Variants in BFSP1 observed in about 807,000 individuals in gnomAD.
BFSP1 encodes the protein beaded filament structural protein 1, also known as filensin.
BFSP1 carries 38 observed loss-of-function variants against 43.9 expected under a neutral mutation model. The ratio of observed to expected loss-of-function variants is 0.87; its 90% CI spans 0.67 to 1.14. The LOEUF is 1.14. Ranked by LOEUF, BFSP1 falls within the 50% of genes most tolerant of loss-of-function variation. The pLI is 0.00. For synonymous variants in BFSP1, 352 were observed against 354.8 expected (o/e 0.99, Z 0.09); for missense variants, 850 against 875.1 (o/e 0.97, Z 0.36).
rs2034389121 is a variant in BFSP1 at position 17,524,899 on chromosome 20, A to G, written c.387T>C (p.Asn129=). The G allele has an allele frequency of 6.2e-7, 1 of 1,614,032 alleles. No homozygotes were observed. The highest frequency in any genetic ancestry group is 8.5e-7 in the Non-Finnish European group (1 of 1,179,928). ...TTAGCAGGAGTTGACATTCGCACTC[A>G]TTTTCATACCTGCAAATTGGACACA... is the stretch of plus-strand genomic sequence containing the variant. ...ALDEFRSKYE[N]ECECQLLLKE... The change falls in exon 2 of 8, where the codon AAT becomes AAC. Residue 129 remains asparagine (N), a synonymous_variant. Coordinates refer to ENST00000377873, the MANE Select transcript of BFSP1 (RefSeq NM_001195.5).
At chr20:17,497,511 C>CGT (rs1241093199) in intron 6 of BFSP1, among the ~76,000 whole-genome samples, 28 of 126,324 alleles carry the variant, frequency 2.2e-4, no homozygotes, top group African/African-American at 6.2e-4. Flanking sequence ...CGTATATATA[C>CGT]GTATATATAT....
intron 1 of BFSP1, among the ~76,000 whole-genome samples, chr20:17,558,435 G>C (rs2035031213): frequency 2.0e-5 from 3 of 152,204 alleles, no homozygotes. Context: ...GCTTTTGGAA[G>C]TGGAGCCACA....
intron 2 of BFSP1, chr20:17,516,705 C>T (rs772773672): frequency 4.0e-6 from 1 of 249,494 alleles, no homozygotes; most frequent in African/African-American, 2.2e-5. Context: ...TTTATCTACC[C>T]AAGAGAACTG....
chr20:17,532,787 C>T (rs2034569060), upstream of BFSP1, among the ~76,000 whole-genome samples: 1 of 151,974 alleles, frequency 6.6e-6, no homozygotes, highest in South Asian at 2.1e-4. Context: ...GTCATATCTC[C>T]AACTTTAAAA....
At chr20:17,549,599 G>T (rs1221159487) in intron 1 of BFSP1, among the ~76,000 whole-genome samples, 1 of 152,142 alleles carries the variant, frequency 6.6e-6, no homozygotes, top group Non-Finnish European at 1.5e-5. Flanking sequence ...ACTTTGGGAG[G>T]CCAAGGAGGG....
At chr20:17,501,079 C>T (rs1416840006) in intron 5 of BFSP1, among the ~76,000 whole-genome samples, 1 of 152,190 alleles carries the variant, frequency 6.6e-6, no homozygotes, top group East Asian at 1.9e-4. Flanking sequence ...CACTTCGAGT[C>T]ACAAGGGGCA....
intron 1 of BFSP1, among the ~76,000 whole-genome samples, chr20:17,539,613 A>C (rs1004707820): frequency 6.6e-6 from 1 of 151,834 alleles, no homozygotes; most frequent in Non-Finnish European, 1.5e-5. Context: ...TAATACAAAA[A>C]ATTAGCTGAG....
At chr20:17,527,234 T>C (rs2034440294) in intron 1 of BFSP1, among the ~76,000 whole-genome samples, 1 of 152,250 alleles carries the variant, frequency 6.6e-6, no homozygotes, top group Non-Finnish European at 1.5e-5. Flanking sequence ...TGTGTTGCAA[T>C]AACAGAGCCA....
At chr20:17,499,862 A>C (rs2033753954) in intron 5 of BFSP1, among the ~76,000 whole-genome samples, 1 of 152,168 alleles carries the variant, frequency 6.6e-6, no homozygotes, top group African/African-American at 2.4e-5. Context: ...CAGAGGCTGC[A>C]GTGAGCCAAG....
intron 1 of BFSP1, among the ~76,000 whole-genome samples, chr20:17,557,511 T>G (rs1346300682): frequency 6.6e-6 from 1 of 152,154 alleles, no homozygotes; most frequent in Non-Finnish European, 1.5e-5. Context: ...TGGGCCCTCC[T>G]GGCTCAAGGG....
At chr20:17,524,805 A>G (rs1568699778) in intron 2 of BFSP1, 43 bp downstream of exon 2, 2 of 1,591,248 alleles carry the variant, frequency 1.3e-6, no homozygotes, top group South Asian at 2.2e-5. Flanking sequence ...TCCATTCAAC[A>G]CTGTAATTAA....
At chr20:17,503,330 T>A (rs1466477717) in intron 5 of BFSP1, among the ~76,000 whole-genome samples, 2 of 152,338 alleles carry the variant, frequency 1.3e-5, no homozygotes, top group East Asian at 3.9e-4. Flanking sequence ...GCACCTATAA[T>A]CTCTCACTTT....
At chr20:17,549,807 G>C (rs1395191124) in intron 1 of BFSP1, among the ~76,000 whole-genome samples, 1 of 152,170 alleles carries the variant, frequency 6.6e-6, no homozygotes, top group Non-Finnish European at 1.5e-5. Context: ...CTACACTCCA[G>C]CCTGGGAAAC....
chr20:17,550,323 G>A (rs1156449712), intron 1 of BFSP1, among the ~76,000 whole-genome samples: 3 of 152,050 alleles, frequency 2.0e-5, no homozygotes, highest in South Asian at 2.1e-4. Context: ...TTCTTATATA[G>A]GGTCTTACCT....
intron 1 of BFSP1, among the ~76,000 whole-genome samples, chr20:17,550,849 C>T (rs1275056577): frequency 6.6e-6 from 1 of 152,178 alleles, no homozygotes; most frequent in Non-Finnish European, 1.5e-5. Context: ...CATAGTTTAT[C>T]CTTGCAGGCA....
At position 17,525,569 on chromosome 20, in the gene BFSP1, A is replaced by T. The variant is rs941359218; in HGVS notation, c.378-661T>A. ...TCAGGGCCTCTGGGAGCAGCCCACA[A>T]ACTCTGAATGAGGCAAATTGGAGCA... On this transcript the variant is annotated intron_variant, in intron 1 of 7. Transcript: ENST00000377873. The surrounding 1 kb of genome is among the most constrained non-coding windows in gnomAD (Gnocchi z 4.2). Among the ~76,000 whole-genome samples, 4 of 152,176 alleles carry T rather than the reference A, an allele frequency of 2.6e-5. No homozygotes were observed. Among genetic ancestry groups the T allele is most frequent in the African/African-American group, 4.8e-5 (2 of 41,442 alleles).
chr20:17,502,195 C>A (rs1023417189), intron 5 of BFSP1, among the ~76,000 whole-genome samples: 4 of 151,666 alleles, frequency 2.6e-5, no homozygotes, highest in African/African-American at 7.3e-5. Context: ...AAAAATAGTA[C>A]CTTTCCGGTG....
chr20:17,526,146 G>GC (rs2034416431), intron 1 of BFSP1, among the ~76,000 whole-genome samples: 1 of 99,812 alleles, frequency 1.0e-5, no homozygotes, highest in Non-Finnish European at 2.1e-5. Context: ...TATGGCGGGG[G>GC]GGGGGGGGGG....
At chr20:17,521,792 C>T (rs2034324264) in intron 2 of BFSP1, among the ~76,000 whole-genome samples, 1 of 152,098 alleles carries the variant, frequency 6.6e-6, no homozygotes, top group Non-Finnish European at 1.5e-5. Flanking sequence ...GAGAAGGAAA[C>T]AAAACCAATG....
Sources: gnomAD v4.1 joint callset for allele counts (sites outside exome capture counted in the v4.1 genomes callset) on GRCh38, gnomAD v4.1.1 for gene constraint, Gnocchi (gnomAD v3.1) non-coding constraint, MANE v1.5 for transcripts, NCBI Gene and HGNC (gene_info 2026-07-23, HGNC 2026-07-21) for gene names.